The following SMYD2 variants were observed in gnomAD, a reference collection of about 807,000 sequenced individuals.
SMYD2 encodes the protein N-lysine methyltransferase SMYD2.
A neutral mutation model predicts 59.1 loss-of-function variants in SMYD2; 53 were observed. The observed-to-expected ratio is 0.90, with a 90% CI of 0.72 to 1.13. The LOEUF (loss-of-function observed/expected upper bound fraction) is 1.13, where lower values mean the gene tolerates loss of function less well. Ranked by LOEUF, SMYD2 falls within the 50% of genes most tolerant of loss-of-function variation. The probability of loss-of-function intolerance (pLI) is 0.00; values close to 1 mark genes in which losing one functional copy is unlikely to be tolerated. For synonymous variants in SMYD2, 208 were observed against 198.8 expected, an observed-to-expected ratio of 1.05 and a Z score of -0.39; for missense variants, 494 against 544.7, an observed-to-expected ratio of 0.91 and a Z score of 0.93.
At chr1:214,319,414 G>T (rs1657136131) in intron 5 of SMYD2, among the ~76,000 whole-genome samples, 1 of 152,210 alleles carries the variant, frequency 6.6e-6, no homozygotes, top group South Asian at 2.1e-4. Flanking sequence ...AGGGCCCTTT[G>T]TGATGGCCCG....
At chr1:214,292,772 C>T (rs1656657510) in intron 1 of SMYD2, among the ~76,000 whole-genome samples, 1 of 152,040 alleles carries the variant, frequency 6.6e-6, no homozygotes, top group South Asian at 2.1e-4. Flanking sequence ...CAGCATTATC[C>T]CTCACTGCAT....
intron 1 of SMYD2, among the ~76,000 whole-genome samples, chr1:214,300,776 T>C (rs1391553): frequency 0.29 from 44,663 of 152,120 alleles, 6,917 homozygotes; most frequent in Non-Finnish European, 0.34. Context: ...ATTAGTTGTT[T>C]CATGTCTAAG....
chr1:214,308,845 G>C (rs1204114846), intron 2 of SMYD2, among the ~76,000 whole-genome samples: 1 of 152,182 alleles, frequency 6.6e-6, no homozygotes, highest in African/African-American at 2.4e-5. Context: ...CTTGGGGAGG[G>C]CTTTCACCCC....
rs77433352 is a variant in SMYD2 at position 214,297,771 on chromosome 1, C to T, written c.174-7416C>T. Among the ~76,000 whole-genome samples, 927 of 152,294 alleles carry T rather than the reference C, an allele frequency of 6.1e-3. 4 individuals carry two copies. The highest frequency in any genetic ancestry group is 9.1e-3 in the Non-Finnish European group (622 of 68,024). On this transcript the variant is annotated intron_variant, in intron 1 of 11. Coordinates refer to ENST00000366957, the MANE Select transcript of SMYD2 (RefSeq NM_020197.3). The stretch of plus-strand genomic sequence containing the variant: ...TGCTTAAACCAAAATAGATCAAAGG[C>T]GATTCTTATGTTATTCACTATCAGT...
At chr1:214,307,019 A>G (rs948806185) in intron 2 of SMYD2, among the ~76,000 whole-genome samples, 2 of 152,232 alleles carry the variant, frequency 1.3e-5, no homozygotes, top group Non-Finnish European at 2.9e-5. Context: ...AAAAATAGAA[A>G]AAAATTAGCC....
In SMYD2 at chr1:214,317,053, G is replaced by A. The variant is rs182610943; in HGVS notation, c.349-1026G>A. 8.5e-5 allele frequency among the ~76,000 whole-genome samples: 13 copies of A among 152,222 alleles called. No individual in the cohort carries two copies. In the East Asian group the frequency reaches 2.5e-3, roughly 29 times the overall value. On this transcript the variant is annotated intron_variant, in intron 3 of 11. Coordinates refer to ENST00000366957, the MANE Select transcript of SMYD2 (RefSeq NM_020197.3). Reference sequence around the variant, plus strand: ...GTGATATGTTAAGAATTCAGAAGAGGCTGGTAGACTTTCCTGAATGAAAAG... The same window carrying A: ...GTGATATGTTAAGAATTCAGAAGAGACTGGTAGACTTTCCTGAATGAAAAG...
chr1:214,315,964 G>C (rs1437617511), intron 3 of SMYD2, among the ~76,000 whole-genome samples: 1 of 152,174 alleles, frequency 6.6e-6, no homozygotes, highest in Non-Finnish European at 1.5e-5. Flanking sequence ...GCCTGGTCTG[G>C]TTCATTCTTG....
intron 7 of SMYD2, among the ~76,000 whole-genome samples, chr1:214,328,743 G>A (rs1344305507): frequency 6.6e-6 from 1 of 152,240 alleles, no homozygotes. Context: ...GGGAGCTGAA[G>A]CCCAAGATGC....
intron 1 of SMYD2, among the ~76,000 whole-genome samples, chr1:214,295,401 T>TA (rs1473809002): frequency 1.3e-5 from 2 of 151,898 alleles, no homozygotes; most frequent in Non-Finnish European, 2.9e-5. Context: ...TCATGAATTT[T>TA]TTTTGCTTTC....
chr1:214,290,858 TAC>T (rs1255738817), intron 1 of SMYD2, among the ~76,000 whole-genome samples: 165 of 152,330 alleles, frequency 1.1e-3, no homozygotes, highest in African/African-American at 3.8e-3. Context: ...GGGATGTAGG[TAC>T]TGGCTCATAT....
At chr1:214,313,813 A>C (rs1439833819) in intron 2 of SMYD2, among the ~76,000 whole-genome samples, 1 of 151,950 alleles carries the variant, frequency 6.6e-6, no homozygotes, top group Non-Finnish European at 1.5e-5. Flanking sequence ...TGGCGCCTCC[A>C]CCCTTCCAGC....
At chr1:214,308,008 C>T (rs957298853) in intron 2 of SMYD2, among the ~76,000 whole-genome samples, 7 of 152,368 alleles carry the variant, frequency 4.6e-5, no homozygotes, top group Admixed American at 1.3e-4. Context: ...GGATTCTACT[C>T]TTGCAAGGCT....
chr1:214,320,421 T>C (rs1382514242), intron 5 of SMYD2, among the ~76,000 whole-genome samples: 1 of 152,128 alleles, frequency 6.6e-6, no homozygotes, highest in Admixed American at 6.5e-5. Flanking sequence ...AAAAGCATGC[T>C]AAGAAGGAGA....
chr1:214,314,569 G>C (rs1381183026), intron 2 of SMYD2, among the ~76,000 whole-genome samples, 193 bp from the exon 3 acceptor site: 3 of 152,186 alleles, frequency 2.0e-5, no homozygotes, highest in Non-Finnish European at 2.9e-5. Context: ...ACCCAGGCCT[G>C]AGTGAAGGTC....
rs1296450598 is a variant in SMYD2 at position 214,318,906 on chromosome 1, A to T, written c.457A>T (p.Ile153Leu). Residue 153 changes from isoleucine (I) to leucine (L), a missense_variant, in exon 5 of 12, where the codon ATA (isoleucine) becomes TTA (leucine). Physicochemically the swap from Ile to Leu is conservative, Grantham distance 5. Coordinates refer to ENST00000366957, the MANE Select transcript of SMYD2 (RefSeq NM_020197.3). The surrounding 1 kb of genome is among the most constrained non-coding windows in gnomAD (Gnocchi z 5.4). Reference protein sequence around the residue: ...NEKKDLIQSDIAALHHFYSKH... With the variant: ...NEKKDLIQSDLAALHHFYSKH... The stretch of plus-strand genomic sequence containing the variant: ...GAAGAAGGATTTGATTCAGAGTGAC[A>T]TAGCTGCTCTCCATCACTTTTACTC... 1.2e-6 allele frequency: 2 copies of T among 1,613,946 alleles called. No homozygotes were observed. Among genetic ancestry groups the T allele is most frequent in the South Asian group, 2.2e-5 (2 of 91,086 alleles).
intron 1 of SMYD2, among the ~76,000 whole-genome samples, chr1:214,282,608 T>C (rs1656468396): frequency 6.6e-6 from 1 of 152,124 alleles, no homozygotes; most frequent in South Asian, 2.1e-4. Flanking sequence ...CTCAGACCTG[T>C]GTGCCTCATT....
intron 3 of SMYD2, among the ~76,000 whole-genome samples, chr1:214,317,089 C>T (rs1182073984): frequency 2.6e-5 from 4 of 152,040 alleles, no homozygotes; most frequent in Non-Finnish European, 4.4e-5. Context: ...CTTTCCCAAG[C>T]GAGATGACTT....
chr1:214,287,688 G>GT lies in SMYD2; in HGVS notation c.173+6265dup, dbSNP rs1656573467. ...GAATTAATGATGGGGTCTGGGATTA[G>GT]TTTTCAGTATTTTTCAAAACCTAAT... On this transcript the variant is annotated intron_variant, in intron 1 of 11. Transcript: ENST00000366957. Among the ~76,000 whole-genome samples, 3 of 150,988 alleles carry GT rather than the reference G, an allele frequency of 2.0e-5. No homozygotes were observed. The South Asian group carries it at 6.3e-4, about 32-fold the overall frequency.
At chr1:214,317,936 A>G in intron 3 of SMYD2, 143 bp from the exon 4 acceptor site, 2 of 776,920 alleles carry the variant, frequency 2.6e-6, no homozygotes, top group Non-Finnish European at 4.4e-6. Context: ...GGAGAGCCCT[A>G]GTGGTGGAGT....
Sources: gnomAD v4.1 joint callset for allele counts (sites outside exome capture counted in the v4.1 genomes callset) on GRCh38, gnomAD v4.1.1 for gene constraint, Gnocchi (gnomAD v3.1) non-coding constraint, MANE v1.5 for transcripts, NCBI Gene and HGNC (gene_info 2026-07-23, HGNC 2026-07-21) for gene names.